The following ADGRL4 variants were observed in gnomAD, a reference collection of about 807,000 sequenced individuals.
The protein encoded by ADGRL4 is adhesion G protein-coupled receptor L4.
ADGRL4 carries 90 observed loss-of-function variants against 74.8 expected under a neutral mutation model. The ratio of observed to expected loss-of-function variants is 1.20; its 90% CI spans 1.02 to 1.43. ADGRL4 has a LOEUF of 1.43. ADGRL4 is among the 40% of genes most tolerant of loss of function. The pLI, the probability that ADGRL4 is intolerant of heterozygous loss-of-function variation, is 0.00. For synonymous variants in ADGRL4, 311 were observed against 279.2 expected, an observed-to-expected ratio of 1.11 and a Z score of -1.14; for missense variants, 881 against 814.3, an observed-to-expected ratio of 1.08 and a Z score of -1.00.
intron 2 of ADGRL4, among the ~76,000 whole-genome samples, chr1:78,998,327 C>T (rs1405918848): frequency 6.8e-6 from 1 of 147,012 alleles, no homozygotes; most frequent in African/African-American, 2.5e-5. Context: ...ACTTGACCTA[C>T]GCATTTTATC....
intron 7 of ADGRL4, among the ~76,000 whole-genome samples, chr1:78,927,405 G>C (rs17102432): frequency 0.089 from 13,592 of 152,084 alleles, 813 homozygotes; most frequent in East Asian, 0.33. Flanking sequence ...AGAGTGTGAA[G>C]TGTATTCACT....
At chr1:78,967,840 AT>A (rs1381968921) in intron 2 of ADGRL4, among the ~76,000 whole-genome samples, 1 of 150,342 alleles carries the variant, frequency 6.7e-6, no homozygotes, top group Non-Finnish European at 1.5e-5. Flanking sequence ...AAAAAAAAAA[AT>A]AATAACTTAT....
intron 2 of ADGRL4, among the ~76,000 whole-genome samples, chr1:78,986,203 A>T (rs1327445625): frequency 1.3e-5 from 2 of 151,784 alleles, no homozygotes; most frequent in African/African-American, 4.8e-5. Flanking sequence ...AATAACAATC[A>T]CATAAAAAAC....
chr1:78,993,746 A>T (rs1557524020), intron 2 of ADGRL4, among the ~76,000 whole-genome samples: 3 of 150,936 alleles, frequency 2.0e-5, no homozygotes, highest in Non-Finnish European at 3.0e-5. Flanking sequence ...TTTTTTTTGT[A>T]TTTTTTTTAG....
chr1:78,937,684 A>G, intron 6 of ADGRL4, 123 bp downstream of exon 6: 2 of 841,842 alleles, frequency 2.4e-6, no homozygotes, highest in East Asian at 4.9e-5. Context: ...TTGTACACTG[A>G]TAAAACTACT....
intron 12 of ADGRL4, 95 bp from the exon 13 acceptor site, chr1:78,893,284 A>G: frequency 1.3e-6 from 1 of 796,554 alleles, no homozygotes; most frequent in Non-Finnish European, 2.0e-6. Flanking sequence ...ATAAGATAGA[A>G]ACTAAAAATC....
intron 8 of ADGRL4, among the ~76,000 whole-genome samples, chr1:78,925,852 A>G (rs1649101750): frequency 1.3e-5 from 2 of 152,224 alleles, no homozygotes; most frequent in South Asian, 2.1e-4. Flanking sequence ...GAAAAACGGA[A>G]AAAACATCAG....
chr1:78,906,005 T>A (rs1408937621), intron 12 of ADGRL4, among the ~76,000 whole-genome samples: 1 of 151,574 alleles, frequency 6.6e-6, no homozygotes, highest in Non-Finnish European at 1.5e-5. Flanking sequence ...GGAATAACTC[T>A]GAGTAGGGAA....
chr1:78,953,307 G>A (rs1649767597), intron 2 of ADGRL4, among the ~76,000 whole-genome samples: 1 of 152,060 alleles, frequency 6.6e-6, no homozygotes, highest in African/African-American at 2.4e-5. Flanking sequence ...CTATGAAGTT[G>A]TTTTTGAGGA....
intron 12 of ADGRL4, among the ~76,000 whole-genome samples, chr1:78,900,732 G>C (rs886573484): frequency 1.3e-5 from 2 of 152,006 alleles, no homozygotes; most frequent in African/African-American, 4.8e-5. Flanking sequence ...CTTCATGATT[G>C]CAAGTTTCCC....
chr1:78,966,600 T>C (rs61712345), intron 2 of ADGRL4, among the ~76,000 whole-genome samples: 2,169 of 152,198 alleles, frequency 0.014, 54 homozygotes, highest in African/African-American at 0.05. Context: ...CATGGTCTTT[T>C]CCTTCCTCTT....
chr1:78,995,455 G>A (rs1224248197), intron 2 of ADGRL4, among the ~76,000 whole-genome samples: 2 of 152,220 alleles, frequency 1.3e-5, no homozygotes, highest in Non-Finnish European at 2.9e-5. Flanking sequence ...GTATCATGGT[G>A]TGCCAGGTCA....
At chr1:78,987,460 C>T (rs1463272750) in intron 2 of ADGRL4, among the ~76,000 whole-genome samples, 1 of 151,510 alleles carries the variant, frequency 6.6e-6, no homozygotes, top group Non-Finnish European at 1.5e-5. Flanking sequence ...TTTCATGAAT[C>T]AGGATAAAAA....
intron 2 of ADGRL4, among the ~76,000 whole-genome samples, chr1:78,999,170 A>C (rs747664008): frequency 1.3e-5 from 2 of 152,318 alleles, no homozygotes; most frequent in Middle Eastern, 3.4e-3. Context: ...GGGACTATAG[A>C]CAACTGACAT....
intron 2 of ADGRL4, among the ~76,000 whole-genome samples, chr1:78,977,295 A>G (rs1249018329): frequency 2.0e-5 from 3 of 151,858 alleles, no homozygotes; most frequent in Admixed American, 2.0e-4. Context: ...CATCAAAAAT[A>G]TTATCTAAAA....
At chr1:78,967,829 CAA>C (rs112780356) in intron 2 of ADGRL4, among the ~76,000 whole-genome samples, 1 of 144,594 alleles carries the variant, frequency 6.9e-6, no homozygotes, top group Non-Finnish European at 1.5e-5. Context: ...ATCATTTTGC[CAA>C]AAAAAAAAAT....
At chr1:78,892,181 G>T (rs528613856) in intron 13 of ADGRL4, among the ~76,000 whole-genome samples, 2 of 152,080 alleles carry the variant, frequency 1.3e-5, no homozygotes, top group African/African-American at 2.4e-5. Flanking sequence ...GAGAAGAAAC[G>T]AACGTGTAGG....
chr1:79,001,587 A>G (rs1027835582), intron 2 of ADGRL4, among the ~76,000 whole-genome samples: 8 of 152,148 alleles, frequency 5.3e-5, no homozygotes, highest in South Asian at 2.1e-4. Flanking sequence ...CAATTTGTGA[A>G]CTTCAACTTT....
At chr1:78,920,085 C>T in intron 10 of ADGRL4, 98 bp downstream of exon 10, 1 of 883,174 alleles carries the variant, frequency 1.1e-6, no homozygotes, top group Non-Finnish European at 1.7e-6. Context: ...ACGTCTGCCC[C>T]ATTAAACCCT....
Sources: gnomAD v4.1 joint callset for allele counts (sites outside exome capture counted in the v4.1 genomes callset) on GRCh38, gnomAD v4.1.1 for gene constraint, MANE v1.5 for transcripts, NCBI Gene and HGNC (gene_info 2026-07-23, HGNC 2026-07-21) for gene names.